ZUP1: variants seen among roughly 807,000 people sequenced by gnomAD.
ZUP1 encodes zinc finger containing ubiquitin peptidase 1, also known as zinc finger-containing ubiquitin peptidase 1.
A neutral mutation model predicts 68.1 loss-of-function variants in ZUP1; 55 were observed. The observed-to-expected ratio is 0.81, with a 90% CI of 0.65 to 1.01. The LOEUF (loss-of-function observed/expected upper bound fraction) is 1.01, where lower values mean the gene tolerates loss of function less well. Ranked by LOEUF, ZUP1 falls within the 50% of genes least tolerant of loss-of-function variation. The pLI, the probability that ZUP1 is intolerant of heterozygous loss-of-function variation, is 0.00. For missense variants in ZUP1, 684 were observed against 674.9 expected, an observed-to-expected ratio of 1.01 and a Z score of -0.15; for synonymous variants, 223 against 221.5, an observed-to-expected ratio of 1.01 and a Z score of -0.06.
rs137943760 is a variant in ZUP1, at chr6:116,652,137, C to A, written c.1017G>T (p.Arg339=). The A allele has an allele frequency of 1.5e-4, 237 of 1,613,968 alleles. No individual in the cohort carries two copies. In the African/African-American group the frequency reaches 2.6e-3, roughly 17 times the overall value. ...GATCCACCACTGAAGAAAGCCACAC[C>A]CGTCTCACATCTGTGGCAGCATTCT... ...YYQNAATDVR[R]VWLSSVVDHF... The change falls in exon 6 of 10, where the codon CGG becomes CGT. Residue 339 remains arginine (R), a synonymous_variant. Transcript: ENST00000368576.
chr6:116,660,666 T>TAGGACAC, intron 3 of ZUP1, 70 bp downstream of exon 3: 1 of 733,666 alleles, frequency 1.4e-6, no homozygotes, highest in Non-Finnish European at 2.0e-6. Flanking sequence ...ATCACAAATC[T>TAGGACAC]AAAAATTAGA....
At chr6:116,644,413 A>C (rs1042091915) in intron 9 of ZUP1, among the ~76,000 whole-genome samples, 3 of 152,344 alleles carry the variant, frequency 2.0e-5, no homozygotes, top group African/African-American at 7.2e-5. Flanking sequence ...TGCACTATTC[A>C]CAATAGCAAA....
intron 9 of ZUP1, among the ~76,000 whole-genome samples, chr6:116,639,696 A>G (rs1030072360): frequency 6.6e-6 from 1 of 152,214 alleles, no homozygotes; most frequent in African/African-American, 2.4e-5. Context: ...GTACATCACC[A>G]TCATCAAAGA....
At position 116,656,751 on chromosome 6, in the gene ZUP1, A is replaced by G. The variant is rs73555467; in HGVS notation, c.894T>C (p.His298=). Residue 298 remains histidine (H), a synonymous_variant, in exon 5 of 10, where the codon CAT becomes CAC. Coordinates refer to ENST00000368576, the MANE Select transcript of ZUP1 (RefSeq NM_145062.3). The stretch of plus-strand genomic sequence containing the variant: ...ATTCCATCATATCAGCTTTTCTCCT[A>G]TGAAATTCAGATGGAGGCATTCTTC... ...NRGRMPPSEF[H]RRKADMMESL... 118 of 1,612,712 alleles carry G rather than the reference A, an allele frequency of 7.3e-5. No homozygotes were observed. The highest frequency in any genetic ancestry group is 2.0e-4 in the African/African-American group (15 of 74,854).
rs932810962 is a variant in ZUP1, at chr6:116,658,875, A to C, written c.720T>G (p.Leu240=). 6.2e-7 allele frequency: 1 copy of C among 1,612,182 alleles called. No individual in the cohort carries two copies. Among genetic ancestry groups the C allele is most frequent in the African/African-American group, 1.3e-5 (1 of 74,874 alleles). Residue 240 remains leucine (L), a synonymous_variant, in exon 4 of 10, where the codon CTT becomes CTG. Coordinates refer to ENST00000368576, the MANE Select transcript of ZUP1 (RefSeq NM_145062.3). The part of the protein sequence containing the change: ...CSGDLQLAHQ[L]QQEEDRKRRS... ...TCCTCTTTCTGTCTTCTTCTTGCTG[A>C]AGCTGGTGAGCCAATTGTAGATCAC...
In ZUP1 at chr6:116,652,227, T is replaced by C. The variant is rs759171728; in HGVS notation, c.962-35A>G. 2.6e-6 allele frequency: 4 copies of C among 1,549,402 alleles called. No individual in the cohort carries two copies. In the Admixed American group the frequency reaches 7.1e-5, roughly 27 times the overall value. On this transcript the variant is annotated intron_variant, in intron 5 of 9. Transcript: ENST00000368576. ...AAAAGAGATTCAGAAGCAGTCATTA[T>C]CACCTTTATATTGCTATCTCATACA... is the stretch of plus-strand genomic sequence containing the variant.
chr6:116,657,004 A>AAC lies in ZUP1; in HGVS notation c.793-154_793-153dup, dbSNP rs3033987. 2,656 of 412,986 alleles carry AAC rather than the reference A, an allele frequency of 6.4e-3. 8 individuals are homozygous for AAC. Among genetic ancestry groups the AAC allele is most frequent in the South Asian group, 7.8e-3 (144 of 18,466 alleles). The allele number at this position is 412,986 out of a possible 1,614,324, so 25.6% of individuals were successfully genotyped here. On this transcript the variant is annotated intron_variant, in intron 4 of 9. Coordinates refer to ENST00000368576, the MANE Select transcript of ZUP1 (RefSeq NM_145062.3). ...CTTAAAGATTTTTACAAAAACTAAT[A>AAC]ACACACACACACACACACACAAAAA...
In ZUP1 at chr6:116,667,211, G is replaced by C. The variant is rs535933348; in HGVS notation, c.-15-4C>G. ...AAAGCATGGTATTGACAAGTAGCTAGAAAAGAACATAACATTAGGTTTCAA... is the reference window on the plus strand; with the variant it reads ...AAAGCATGGTATTGACAAGTAGCTACAAAAGAACATAACATTAGGTTTCAA... On this transcript the variant is annotated splice_polypyrimidine_tract_variant and splice_region_variant and intron_variant, in intron 1 of 9. Transcript: ENST00000368576. 6.7e-7 allele frequency: 1 copy of C among 1,501,098 alleles called. No homozygotes were observed. The highest frequency in any genetic ancestry group is 1.4e-5 in the South Asian group (1 of 72,974). The allele number at this position is 1,501,098 out of a possible 1,614,324, so 93.0% of individuals were successfully genotyped here.
chr6:116,663,379 T>C (rs1373653438), intron 2 of ZUP1, among the ~76,000 whole-genome samples: 1 of 152,194 alleles, frequency 6.6e-6, no homozygotes, highest in East Asian at 1.9e-4. Flanking sequence ...TGGTTAAATC[T>C]AGCTATTTAC....
Position 116,658,794 on chromosome 6 carries a change from T to C in ZUP1, c.792+9A>G. The C allele has an allele frequency of 6.4e-7, 1 of 1,552,212 alleles. No individual in the cohort carries two copies. The highest frequency in any genetic ancestry group is 8.8e-7 in the Non-Finnish European group (1 of 1,135,732). On this transcript the variant is annotated intron_variant, in intron 4 of 9. Coordinates refer to ENST00000368576, the MANE Select transcript of ZUP1 (RefSeq NM_145062.3). Reference sequence around the variant, plus strand: ...ATCAAAATATTATAATTGTTATTAATCTTTGTACCTGCAGCTTCTGAAATT... The same window carrying C: ...ATCAAAATATTATAATTGTTATTAACCTTTGTACCTGCAGCTTCTGAAATT...
chr6:116,651,896 T>C, intron 6 of ZUP1, 108 bp downstream of exon 6: 1 of 1,408,862 alleles, frequency 7.1e-7, no homozygotes, highest in Non-Finnish European at 9.6e-7. Context: ...TCAGGTTTCT[T>C]ATATAAATAT....
chr6:116,658,711 T>A (rs1776742735), intron 4 of ZUP1, 92 bp downstream of exon 4: 1 of 1,293,794 alleles, frequency 7.7e-7, no homozygotes, highest in South Asian at 1.6e-5. Flanking sequence ...TTTTTTTGAA[T>A]AATAACAAGG....
intron 8 of ZUP1, among the ~76,000 whole-genome samples, chr6:116,646,572 T>C (rs1776316343): frequency 6.6e-6 from 1 of 152,122 alleles, no homozygotes; most frequent in African/African-American, 2.4e-5. Context: ...GGTGGGATGC[T>C]GGGATGAGTT....
intron 5 of ZUP1, among the ~76,000 whole-genome samples, chr6:116,653,916 C>T (rs1776588183): frequency 6.6e-6 from 1 of 151,914 alleles, no homozygotes; most frequent in South Asian, 2.1e-4. Context: ...TTCCTTAGCA[C>T]CTAAATGTCT....
chr6:116,644,848 T>A (rs560547938), intron 9 of ZUP1, among the ~76,000 whole-genome samples: 1 of 150,604 alleles, frequency 6.6e-6, no homozygotes, highest in African/African-American at 2.4e-5. Flanking sequence ...ATAATAATAA[T>A]AATAATAAAT....
At chr6:116,664,061 G>GA (rs376941179) in intron 2 of ZUP1, among the ~76,000 whole-genome samples, 14 of 152,140 alleles carry the variant, frequency 9.2e-5, no homozygotes, top group Middle Eastern at 3.4e-3. Flanking sequence ...AGATGAGAGG[G>GA]AAAAAAATCT....
rs1437636120 is a variant in ZUP1, at chr6:116,647,600, C to A, written c.1327G>T (p.Val443Phe). 6.5e-7 allele frequency: 1 copy of A among 1,535,716 alleles called. No individual in the cohort carries two copies. The highest frequency in any genetic ancestry group is 1.3e-5 in the South Asian group (1 of 78,746). The change falls in exon 8 of 10, where the codon GTT becomes TTT. Residue 443 changes from valine to phenylalanine, a missense_variant. By Grantham distance (50) the Val-to-Phe change is conservative. Coordinates refer to ENST00000368576, the MANE Select transcript of ZUP1 (RefSeq NM_145062.3). The stretch of plus-strand genomic sequence containing the variant: ...GGACCAGTTGATTTGTGAAAATCAA[C>A]AATATGACACCTATTAAAAATTGAC... ...LTSLRVKCHI[V>F]DFHKSTGPLG...
intron 7 of ZUP1, among the ~76,000 whole-genome samples, chr6:116,649,206 T>C (rs1776405135): frequency 6.6e-6 from 1 of 152,118 alleles, no homozygotes; most frequent in Non-Finnish European, 1.5e-5. Context: ...TTTCTGAATC[T>C]AATCAATCAA....
intron 9 of ZUP1, among the ~76,000 whole-genome samples, chr6:116,638,769 G>A (rs1004192020): frequency 3.3e-5 from 5 of 152,200 alleles, no homozygotes; most frequent in East Asian, 1.9e-4. Context: ...CGCAGAAGAC[G>A]GGTGATTTCT....
Sources: allele counts gnomAD v4.1 joint callset (sites outside exome capture counted in the v4.1 genomes callset), GRCh38; gene constraint gnomAD v4.1.1; transcripts MANE v1.5; gene names NCBI Gene and HGNC (gene_info 2026-07-23, HGNC 2026-07-21).